The following IMMP2L variants were observed in gnomAD, a reference collection of about 807,000 sequenced individuals.
The protein encoded by IMMP2L is inner mitochondrial membrane peptidase subunit 2.
Under a neutral mutation model 19.3 loss-of-function variants are expected in IMMP2L, and 18 were observed. The ratio of observed to expected loss-of-function variants is 0.93; its 90% confidence interval spans 0.64 to 1.38. The LOEUF is 1.38. Ranked by LOEUF, IMMP2L falls within the 40% of genes most tolerant of loss-of-function variation. IMMP2L has a pLI of 0.00. For synonymous variants in IMMP2L, 76 were observed against 73.0 expected (o/e 1.04, Z -0.21); for missense variants, 233 against 218.2 (o/e 1.07, Z -0.43).
At chr7:110,826,821 G>A (rs1344533898) in intron 5 of IMMP2L, among the ~76,000 whole-genome samples, 4 of 150,952 alleles carry the variant, frequency 2.6e-5, no homozygotes, top group Non-Finnish European at 5.9e-5. Flanking sequence ...ATGTACCCTA[G>A]AACTTAAAGT....
intron 5 of IMMP2L, among the ~76,000 whole-genome samples, chr7:110,701,319 A>G (rs1012352761): frequency 1.3e-5 from 2 of 152,250 alleles, no homozygotes; most frequent in African/African-American, 4.8e-5. Context: ...AATAATAGCT[A>G]GCATCTACCA....
chr7:110,988,119 A>G (rs2129559102), intron 3 of IMMP2L, among the ~76,000 whole-genome samples: 1 of 152,354 alleles, frequency 6.6e-6, no homozygotes, highest in African/African-American at 2.4e-5. Flanking sequence ...ATGATAAAGC[A>G]GCCTAAACTA....
chr7:111,348,497 C>T (rs1827804547), intron 3 of IMMP2L, among the ~76,000 whole-genome samples: 1 of 152,092 alleles, frequency 6.6e-6, no homozygotes. Flanking sequence ...GTCCATCTAA[C>T]TATACTCTAA....
chr7:111,008,201 T>G (rs556039324), intron 3 of IMMP2L, among the ~76,000 whole-genome samples: 1 of 152,152 alleles, frequency 6.6e-6, no homozygotes, highest in Admixed American at 6.6e-5. Context: ...ATTGTTATAT[T>G]CCTTTGCTCA....
intron 4 of IMMP2L, among the ~76,000 whole-genome samples, chr7:110,905,267 T>C (rs1812329165): frequency 6.6e-6 from 1 of 152,186 alleles, no homozygotes; most frequent in Non-Finnish European, 1.5e-5. Context: ...ATATTATCAT[T>C]AATGTTTAAA....
At chr7:111,434,244 T>C (rs943534741) in intron 3 of IMMP2L, among the ~76,000 whole-genome samples, 2 of 151,416 alleles carry the variant, frequency 1.3e-5, no homozygotes, top group Non-Finnish European at 2.9e-5. Flanking sequence ...CCTAGCCATA[T>C]GCAGAAGAAT....
intron 3 of IMMP2L, among the ~76,000 whole-genome samples, chr7:111,390,402 C>T (rs1832229710): frequency 1.3e-5 from 2 of 152,188 alleles, no homozygotes; most frequent in Admixed American, 1.3e-4. Flanking sequence ...TCAATGTCTG[C>T]TTCTAGGGAA....
chr7:110,768,324 AAG>A (rs1221497197), intron 5 of IMMP2L, among the ~76,000 whole-genome samples: 2 of 149,328 alleles, frequency 1.3e-5, no homozygotes, highest in Non-Finnish European at 3.0e-5. Context: ...AAAAAAAAAA[AAG>A]AATGACCACA....
chr7:111,173,352 TA>T (rs1806664697), intron 3 of IMMP2L, among the ~76,000 whole-genome samples: 1 of 151,624 alleles, frequency 6.6e-6, no homozygotes, highest in Non-Finnish European at 1.5e-5. Flanking sequence ...TGAAAAAAAT[TA>T]ATTAACAATA....
At chr7:111,435,292 C>A (rs1837043370) in intron 3 of IMMP2L, among the ~76,000 whole-genome samples, 1 of 151,734 alleles carries the variant, frequency 6.6e-6, no homozygotes. Flanking sequence ...AAATGTCCAT[C>A]AATGGAGGAT....
chr7:111,207,884 TTTTG>T lies in IMMP2L; in HGVS notation c.240-244323_240-244320del, dbSNP rs571398095. Among the ~76,000 whole-genome samples, 226 of 152,248 alleles carry T rather than the reference TTTTG, an allele frequency of 1.5e-3. 1 individual carries two copies. Among genetic ancestry groups the T allele is most frequent in the African/African-American group, 4.4e-3 (183 of 41,524 alleles). On this transcript the variant is annotated intron_variant, in intron 3 of 5. Coordinates refer to ENST00000405709, the MANE Select transcript of IMMP2L (RefSeq NM_032549.4). ...AATATTAATTTTACTCTACCAGCCT[TTTTG>T]TTTGTCTACAAAATTAGCTTTTCTT... is the stretch of plus-strand genomic sequence containing the variant.
intron 3 of IMMP2L, among the ~76,000 whole-genome samples, chr7:111,038,718 A>G (rs192445523): frequency 3.3e-4 from 50 of 152,320 alleles, no homozygotes; most frequent in African/African-American, 1.2e-3. Flanking sequence ...GGAGAAGAGT[A>G]CCATTTTCAA....
intron 5 of IMMP2L, among the ~76,000 whole-genome samples, chr7:110,847,857 AAAT>A (rs1020079117): frequency 1.1e-4 from 16 of 152,156 alleles, no homozygotes; most frequent in African/African-American, 3.4e-4. Context: ...TCCTTTTGCA[AAAT>A]AATAATAATA....
At chr7:111,044,811 T>G (rs1792234622) in intron 3 of IMMP2L, among the ~76,000 whole-genome samples, 1 of 152,192 alleles carries the variant, frequency 6.6e-6, no homozygotes, top group Non-Finnish European at 1.5e-5. Context: ...AGTGAACTAA[T>G]GAATGACAAT....
chr7:111,387,988 A>AAAAAAAAAAAAC (rs1563131629), intron 3 of IMMP2L, among the ~76,000 whole-genome samples: 32 of 150,610 alleles, frequency 2.1e-4, no homozygotes, highest in African/African-American at 7.1e-4. Context: ...AAAAAAAAAA[A>AAAAAAAAAAAAC]AAAAAAAAAA....
intron 3 of IMMP2L, among the ~76,000 whole-genome samples, chr7:111,104,961 T>C (rs770552529): frequency 2.6e-5 from 4 of 151,564 alleles, no homozygotes; most frequent in Non-Finnish European, 5.9e-5. Context: ...GTTCCAAATA[T>C]AATGGCTGTT....
At chr7:110,975,862 T>G (rs1820635197) in intron 3 of IMMP2L, among the ~76,000 whole-genome samples, 1 of 152,128 alleles carries the variant, frequency 6.6e-6, no homozygotes, top group Non-Finnish European at 1.5e-5. Context: ...AGTATATCAG[T>G]TTTTCCTGCT....
At chr7:111,451,926 G>A (rs1839238823) in intron 3 of IMMP2L, among the ~76,000 whole-genome samples, 1 of 152,040 alleles carries the variant, frequency 6.6e-6, no homozygotes, top group South Asian at 2.1e-4. Flanking sequence ...AAGATACACA[G>A]GTCATAGGGA....
At chr7:111,097,000 G>A (rs1797470065) in intron 3 of IMMP2L, 1 of 151,782 alleles carries the variant, frequency 6.6e-6, no homozygotes, top group Non-Finnish European at 1.5e-5. Flanking sequence ...ATCTTCTAAA[G>A]TTTGTCATTT....
Sources: allele counts gnomAD v4.1 joint callset (sites outside exome capture counted in the v4.1 genomes callset), GRCh38; gene constraint gnomAD v4.1.1; transcripts MANE v1.5; gene names NCBI Gene and HGNC (gene_info 2026-07-23, HGNC 2026-07-21).